The following RRBP1 variants were observed in gnomAD, a reference collection of about 807,000 sequenced individuals.
The protein encoded by RRBP1 is ribosome-binding protein 1.
RRBP1 carries 94 observed loss-of-function variants against 165.2 expected under a neutral mutation model. The ratio of observed to expected loss-of-function variants is 0.57; its 90% CI spans 0.48 to 0.68. The LOEUF is 0.68. Ranked by LOEUF, RRBP1 falls within the 30% of genes least tolerant of loss-of-function variation. The pLI, the probability that RRBP1 is intolerant of heterozygous loss-of-function variation, is 0.00. For missense variants in RRBP1, 1,676 were observed against 1,763.0 expected (o/e 0.95, Z 0.88); for synonymous variants, 680 against 714.5 (o/e 0.95, Z 0.77).
rs1282334105 is a variant in RRBP1, at chr20:17,621,878, C to T, written c.3217G>A (p.Glu1073Lys). Reference sequence around the variant, plus strand: ...ACCTGTTGTGCCAAGACAGAGAGTTCTGGGAGCAGAGCCAGCAGGGCCTCC... The same window carrying T: ...ACCTGTTGTGCCAAGACAGAGAGTTTTGGGAGCAGAGCCAGCAGGGCCTCC... ...TMEALLALLPELSVLAQQNYT... is the reference protein window; with the variant it reads ...TMEALLALLPKLSVLAQQNYT... The change falls in exon 14 of 25, where the codon GAA becomes AAA. Residue 1073 changes from glutamate to lysine, a missense_variant. Glu to Lys is a moderately conservative substitution (Grantham distance 56). Transcript: ENST00000377813. The T allele has an allele frequency of 6.2e-7, 1 of 1,613,904 alleles. No individual in the cohort carries two copies. Among genetic ancestry groups the T allele is most frequent in the Non-Finnish European group, 8.5e-7 (1 of 1,179,990 alleles).
At chr20:17,620,847 C>G (rs1274461306) in intron 16 of RRBP1, 40 bp from the exon 17 acceptor site, 1 of 1,453,806 alleles carries the variant, frequency 6.9e-7, no homozygotes. Flanking sequence ...CTCTCCCTCC[C>G]GAGACCCGCA....
chr20:17,659,449 C>G lies in RRBP1; in HGVS notation c.1059G>C (p.Glu353Asp). 2 of 719,380 alleles carry G rather than the reference C, an allele frequency of 2.8e-6. No homozygotes were observed. Among genetic ancestry groups the G allele is most frequent in the South Asian group, 3.7e-5 (2 of 54,734 alleles). The allele number at this position is 719,380 out of a possible 1,614,324, so 44.6% of individuals were successfully genotyped here. Residue 353 changes from glutamate to aspartate, a missense_variant, in exon 3 of 25, where the codon GAG becomes GAC. Physicochemically the swap from Glu to Asp is conservative, Grantham distance 45. Around this residue, in one of 5 missense-constraint regions of RRBP1, gnomAD observed 78 missense variants for 115.6 expected, o/e 0.67. Coordinates refer to ENST00000377813, the MANE Select transcript of RRBP1 (RefSeq NM_001365613.2). ...EGAQNQGKKA[E>D]GAQNQGKKAE... ...CCTTCTTGCCCTGATTCTGGGCCCC[C>G]TCGGCCTTCTTGCCCTGATTCTGGG...
At chr20:17,637,549 C>T (rs1169864776) in intron 5 of RRBP1, among the ~76,000 whole-genome samples, 1 of 152,180 alleles carries the variant, frequency 6.6e-6, no homozygotes, top group African/African-American at 2.4e-5. Context: ...GACCAGGGCA[C>T]AAGCGTCCCA....
At chr20:17,621,390 T>C (rs1306954898) in intron 16 of RRBP1, 68 bp downstream of exon 16, 31 of 1,242,858 alleles carry the variant, frequency 2.5e-5, no homozygotes, top group Non-Finnish European at 3.3e-5. Context: ...TCCTGCCCCA[T>C]AGGCCCCGAA....
At chr20:17,655,021 G>C (rs981417226) in intron 3 of RRBP1, among the ~76,000 whole-genome samples, 1 of 152,086 alleles carries the variant, frequency 6.6e-6, no homozygotes, top group Non-Finnish European at 1.5e-5. Context: ...ATTTCTGAAG[G>C]GCATTATATC....
rs2037195487 is a variant in RRBP1 at position 17,681,781 on chromosome 20, G to A, written c.-99+247C>T. Among the ~76,000 whole-genome samples the A allele has an allele frequency of 2.7e-5, 4 of 150,804 alleles. No individual in the cohort carries two copies. In the South Asian group the frequency reaches 8.3e-4, roughly 31 times the overall value. On this transcript the variant is annotated intron_variant, in intron 1 of 24. Coordinates refer to ENST00000377813, the MANE Select transcript of RRBP1 (RefSeq NM_001365613.2). ...CGCCGCAGCTCCCCGGACGGCGAGG[G>A]CCGCGGGGTCCACACCACGGGGCGC...
intron 5 of RRBP1, chr20:17,641,491 G>C: frequency 2.3e-6 from 1 of 439,414 alleles, no homozygotes; most frequent in Non-Finnish European, 4.2e-6. Flanking sequence ...GTGAAAGCCA[G>C]GTCTGGTCCA....
At chr20:17,634,328 G>A (rs2036208718) in intron 7 of RRBP1, among the ~76,000 whole-genome samples, 1 of 152,212 alleles carries the variant, frequency 6.6e-6, no homozygotes, top group African/African-American at 2.4e-5. Context: ...AGGCGGAGCT[G>A]GGAAACCGGG....
rs747533395 is a variant in RRBP1 at position 17,658,895 on chromosome 20, T to C, written c.1613A>G (p.Lys538Arg). ...CTGGATGGGAGCTCCCTCTCCTTTT[T>C]TGCCTTGGTTGGGACTCCTTTCTGC... ...KKAERSPNQGKKGEGAPIQGK... is the reference protein window; with the variant it reads ...KKAERSPNQGRKGEGAPIQGK... The change falls in exon 3 of 25, where the codon AAA (lysine) becomes AGA (arginine). Residue 538 changes from lysine to arginine, a missense_variant. Around this residue, in one of 5 missense-constraint regions of RRBP1, gnomAD observed 1,184 missense variants for 1,167.1 expected, o/e 1.01. Coordinates refer to ENST00000377813, the MANE Select transcript of RRBP1 (RefSeq NM_001365613.2). 14 of 1,613,422 alleles carry C rather than the reference T, an allele frequency of 8.7e-6. No homozygotes were observed. The highest frequency in any genetic ancestry group is 3.3e-5 in the Admixed American group (2 of 60,012).
At chr20:17,633,345 C>T in intron 8 of RRBP1, 115 bp downstream of exon 8, 1 of 1,136,402 alleles carries the variant, frequency 8.8e-7, no homozygotes. Flanking sequence ...CTGTCCCAGT[C>T]AAGGCTAGAA....
chr20:17,639,531 C>A (rs929925863), intron 5 of RRBP1, among the ~76,000 whole-genome samples: 2 of 152,256 alleles, frequency 1.3e-5, no homozygotes, highest in Non-Finnish European at 2.9e-5. Flanking sequence ...AACTGCCACA[C>A]TCTCTGGAAT....
At chr20:17,625,278 G>A (rs568590916) in intron 12 of RRBP1, among the ~76,000 whole-genome samples, 2 of 152,148 alleles carry the variant, frequency 1.3e-5, no homozygotes, top group East Asian at 3.9e-4. Flanking sequence ...ATGACTCCAC[G>A]CTTGAGCGAG....
chr20:17,673,986 G>A (rs1440877524), intron 2 of RRBP1, among the ~76,000 whole-genome samples: 1 of 151,976 alleles, frequency 6.6e-6, no homozygotes, highest in Non-Finnish European at 1.5e-5. Flanking sequence ...CAAATACCTA[G>A]AACTACCAAG....
chr20:17,661,741 G>C (rs113675334), intron 2 of RRBP1, among the ~76,000 whole-genome samples: 1 of 152,234 alleles, frequency 6.6e-6, no homozygotes, highest in South Asian at 2.1e-4. Flanking sequence ...GCCTCCCCCA[G>C]CATTGCCCTG....
intron 2 of RRBP1, among the ~76,000 whole-genome samples, chr20:17,669,303 C>T (rs1381971468): frequency 6.6e-6 from 1 of 152,170 alleles, no homozygotes; most frequent in African/African-American, 2.4e-5. Context: ...AAAGTAGGTA[C>T]TTAAACAGAC....
rs537199653 is a variant in RRBP1 at position 17,658,620 on chromosome 20, C to T, written c.1888G>A (p.Gly630Ser). The change falls in exon 3 of 25, where the codon GGT (glycine) becomes AGT (serine). Residue 630 changes from glycine to serine, a missense_variant. Gly to Ser is a moderately conservative substitution (Grantham distance 56). This residue lies in a region of RRBP1 where 1,184 missense variants were observed against 1,167.1 expected (regional missense o/e 1.01). Coordinates refer to ENST00000377813, the MANE Select transcript of RRBP1 (RefSeq NM_001365613.2). ...CCAGGCTCACCTTTTTTCTTTGAAC[C>T]AGACTTCTTCTTGGCAGGAGCCTCT... is the stretch of plus-strand genomic sequence containing the variant. Reference protein sequence around the residue: ...KQEAPAKKKSGSKKKGEPGPP... With the variant: ...KQEAPAKKKSSSKKKGEPGPP... 4.5e-5 allele frequency: 72 copies of T among 1,598,360 alleles called. No individual in the cohort carries two copies. In the South Asian group the frequency reaches 7.4e-4, roughly 16 times the overall value.
chr20:17,641,706 C>T, intron 5 of RRBP1, 91 bp downstream of exon 5: 1 of 1,489,256 alleles, frequency 6.7e-7, no homozygotes. Flanking sequence ...CAGGCCCCAG[C>T]ATCTCGGAGC....
At chr20:17,655,637 A>G (rs1182374145) in intron 3 of RRBP1, among the ~76,000 whole-genome samples, 1 of 152,230 alleles carries the variant, frequency 6.6e-6, no homozygotes, top group African/African-American at 2.4e-5. Context: ...ACTCACCCAC[A>G]GACCTGGCTG....
rs990832680 is a variant in RRBP1 at position 17,636,699 on chromosome 20, C to G, written c.2215G>C (p.Ala739Pro). 1 of 1,613,140 alleles carries G rather than the reference C, an allele frequency of 6.2e-7. No homozygotes were observed. The highest frequency in any genetic ancestry group is 1.3e-5 in the African/African-American group (1 of 74,952). ...EMAAEKAKAAAGEAKVKKQLV... is the reference protein window; with the variant it reads ...EMAAEKAKAAPGEAKVKKQLV... ...TGCTTTTTCACTTTGGCCTCCCCGG[C>G]TGCTGCTTTGGCCTTTTCTGCTGCC... The change falls in exon 6 of 25, where the codon GCC (alanine) becomes CCC (proline). Residue 739 changes from alanine to proline, a missense_variant. By Grantham distance (27) the Ala-to-Pro change is conservative. Coordinates refer to ENST00000377813, the MANE Select transcript of RRBP1 (RefSeq NM_001365613.2).
Sources: gnomAD v4.1 joint callset for allele counts (sites outside exome capture counted in the v4.1 genomes callset) on GRCh38, gnomAD v4.1.1 for gene constraint, gnomAD v4.1.1 regional missense constraint, MANE v1.5 for transcripts, NCBI Gene and HGNC (gene_info 2026-07-23, HGNC 2026-07-21) for gene names.